The following LTBP1 variants were observed in gnomAD, a reference collection of about 807,000 sequenced individuals.
LTBP1 encodes the protein latent-transforming growth factor beta-binding protein 1.
LTBP1 carries 129 observed loss-of-function variants against 207.6 expected under a neutral mutation model. The ratio of observed to expected loss-of-function variants is 0.62; its 90% CI spans 0.54 to 0.72. The LOEUF is 0.72. Ranked by LOEUF, LTBP1 falls within the 30% of genes least tolerant of loss-of-function variation. LTBP1 has a pLI of 0.00. For synonymous variants in LTBP1, 963 were observed against 833.7 expected, an observed-to-expected ratio of 1.16 and a Z score of -2.67; for missense variants, 2,281 against 2,217.2, an observed-to-expected ratio of 1.03 and a Z score of -0.58.
chr2:33,301,461 C>A, intron 21 of LTBP1, 61 bp from the exon 22 acceptor site: 3 of 1,502,948 alleles, frequency 2.0e-6, no homozygotes, highest in Non-Finnish European at 2.7e-6. Flanking sequence ...CCAATTGAGA[C>A]TGATTGAAAA....
chr2:33,010,949 ACC>A (rs1687598412), intron 2 of LTBP1, among the ~76,000 whole-genome samples: 1 of 151,820 alleles, frequency 6.6e-6, no homozygotes, highest in Non-Finnish European at 1.5e-5. Context: ...CGATCTCTTG[ACC>A]CCGTGATCTG....
intron 15 of LTBP1, among the ~76,000 whole-genome samples, chr2:33,270,384 T>C (rs2093291509): frequency 6.6e-6 from 1 of 151,860 alleles, no homozygotes; most frequent in African/African-American, 2.4e-5. Context: ...GGTCAAGAGA[T>C]GGAGACCATC....
intron 26 of LTBP1, among the ~76,000 whole-genome samples, chr2:33,353,363 C>T (rs1043820760): frequency 6.6e-6 from 1 of 152,160 alleles, no homozygotes; most frequent in Non-Finnish European, 1.5e-5. Context: ...TTCCCCAAAT[C>T]CCCAAGATGG....
intron 2 of LTBP1, among the ~76,000 whole-genome samples, chr2:32,990,986 A>G (rs1284450314): frequency 6.6e-6 from 1 of 152,200 alleles, no homozygotes; most frequent in African/African-American, 2.4e-5. Context: ...AGATTATAAT[A>G]GCTACTCCCC....
At chr2:33,056,396 CA>C in intron 3 of LTBP1, 2 of 1,206,176 alleles carry the variant, frequency 1.7e-6, no homozygotes, top group Non-Finnish European at 2.2e-6. Flanking sequence ...GGATGTTAGG[CA>C]AAATGCCGCC....
intron 4 of LTBP1, among the ~76,000 whole-genome samples, chr2:33,112,801 C>G (rs2080493751): frequency 6.6e-6 from 1 of 152,096 alleles, no homozygotes; most frequent in Admixed American, 6.6e-5. Context: ...TACTCCTGTT[C>G]TGTGGTAGGT....
At chr2:33,319,605 C>T (rs1341631642) in intron 24 of LTBP1, among the ~76,000 whole-genome samples, 1 of 152,064 alleles carries the variant, frequency 6.6e-6, no homozygotes, top group Non-Finnish European at 1.5e-5. Flanking sequence ...TGCCTCCTTC[C>T]TTGCTGCACT....
intron 24 of LTBP1, among the ~76,000 whole-genome samples, chr2:33,330,934 T>G (rs1281433736): frequency 6.6e-6 from 1 of 151,934 alleles, no homozygotes; most frequent in Non-Finnish European, 1.5e-5. Context: ...AAATTGCAGT[T>G]AAGATTTCAT....
At chr2:33,021,973 G>A (rs373648817) in intron 3 of LTBP1, among the ~76,000 whole-genome samples, 18 of 152,262 alleles carry the variant, frequency 1.2e-4, no homozygotes, top group African/African-American at 4.1e-4. Context: ...AGAATGTACT[G>A]CAACTATCAC....
intron 31 of LTBP1, among the ~76,000 whole-genome samples, chr2:33,380,809 C>G (rs956085176): frequency 1.3e-5 from 2 of 152,144 alleles, no homozygotes; most frequent in South Asian, 4.1e-4. Flanking sequence ...GTGGCATTTA[C>G]TACGTTGACG....
intron 5 of LTBP1, among the ~76,000 whole-genome samples, chr2:33,142,626 A>G (rs575693617): frequency 1.3e-5 from 2 of 151,986 alleles, no homozygotes; most frequent in East Asian, 1.9e-4. Context: ...GAGGAAGACA[A>G]CTGAGGCAGA....
chr2:32,952,839 G>A (rs1677385190), intron 2 of LTBP1, among the ~76,000 whole-genome samples: 1 of 152,164 alleles, frequency 6.6e-6, no homozygotes, highest in African/African-American at 2.4e-5. Context: ...GGGCTGGCAG[G>A]GTTATGGGGT....
At chr2:32,989,599 G>A (rs1034268241) in intron 2 of LTBP1, among the ~76,000 whole-genome samples, 1 of 152,226 alleles carries the variant, frequency 6.6e-6, no homozygotes, top group African/African-American at 2.4e-5. Context: ...GGGACAGAGT[G>A]TGCCAGTCAT....
intron 3 of LTBP1, among the ~76,000 whole-genome samples, chr2:33,025,853 T>G: frequency 6.6e-6 from 1 of 152,290 alleles, no homozygotes; most frequent in East Asian, 1.9e-4. Flanking sequence ...TCTTTTTATA[T>G]TTTTGAAATT....
At chr2:33,189,316 C>T (rs906668687) in intron 7 of LTBP1, among the ~76,000 whole-genome samples, 15 of 152,186 alleles carry the variant, frequency 9.9e-5, no homozygotes, top group African/African-American at 3.6e-4. Flanking sequence ...CTGCCTTAGC[C>T]TCCTAAGTAG....
At chr2:33,268,427 A>T (rs1409761899) in intron 15 of LTBP1, among the ~76,000 whole-genome samples, 1 of 152,226 alleles carries the variant, frequency 6.6e-6, no homozygotes. Flanking sequence ...TTTAGTGATT[A>T]TATCTTTACG....
intron 3 of LTBP1, among the ~76,000 whole-genome samples, chr2:33,038,624 T>C (rs1380707016): frequency 6.6e-6 from 1 of 152,258 alleles, no homozygotes; most frequent in Non-Finnish European, 1.5e-5. Flanking sequence ...GGACATCTTA[T>C]CCTCTGTTTT....
intron 31 of LTBP1, 78 bp downstream of exon 31, chr2:33,365,581 C>T: frequency 7.1e-7 from 1 of 1,416,874 alleles, no homozygotes; most frequent in Non-Finnish European, 9.8e-7. Context: ...CCTGACATTT[C>T]TCTTCTGTAT....
At chr2:33,287,476 C>T (rs1295021380) in intron 19 of LTBP1, among the ~76,000 whole-genome samples, 3 of 152,166 alleles carry the variant, frequency 2.0e-5, no homozygotes, top group Non-Finnish European at 4.4e-5. Context: ...GAGAAAGCCA[C>T]ATGGGCTGGA....
Sources: gnomAD v4.1 joint callset for allele counts (sites outside exome capture counted in the v4.1 genomes callset) on GRCh38, gnomAD v4.1.1 for gene constraint, MANE v1.5 for transcripts, NCBI Gene and HGNC (gene_info 2026-07-23, HGNC 2026-07-21) for gene names.